Variants in PITPNC1 observed in about 807,000 individuals in gnomAD.
The protein encoded by PITPNC1 is cytoplasmic phosphatidylinositol transfer protein 1.
PITPNC1 carries 18 observed loss-of-function variants against 44.7 expected under a neutral mutation model. That is an observed-to-expected ratio of 0.40 (90% CI 0.28 to 0.60). The LOEUF (loss-of-function observed/expected upper bound fraction) is 0.60. Among genes scored for constraint, PITPNC1 ranks in the 20% least tolerant of loss-of-function variants. The probability of loss-of-function intolerance (pLI) is 0.39; values close to 1 mark genes in which losing one functional copy is unlikely to be tolerated. For synonymous variants in PITPNC1, 141 were observed against 149.6 expected (o/e 0.94, Z 0.42); for missense variants, 290 against 418.4 (o/e 0.69, Z 2.68).
At chr17:67,550,739 G>A (rs1475014669) in intron 2 of PITPNC1, among the ~76,000 whole-genome samples, 1 of 152,144 alleles carries the variant, frequency 6.6e-6, no homozygotes, top group Non-Finnish European at 1.5e-5. Flanking sequence ...TGGAAGGACA[G>A]AAACACTTGG....
chr17:67,690,448 CA>C (rs58085156), intron 8 of PITPNC1, among the ~76,000 whole-genome samples: 101 of 113,348 alleles, frequency 8.9e-4, no homozygotes, highest in Non-Finnish European at 9.5e-4. Context: ...AACTCTGTCT[CA>C]AAAAAAAAAA....
At chr17:67,655,052 T>C (rs1245071093) in intron 6 of PITPNC1, among the ~76,000 whole-genome samples, 4 of 152,196 alleles carry the variant, frequency 2.6e-5, no homozygotes, top group African/African-American at 7.2e-5. Flanking sequence ...TTAAACCATT[T>C]GGGCTGCAAT....
At chr17:67,622,983 G>A (rs1438105185) in intron 5 of PITPNC1, among the ~76,000 whole-genome samples, 2 of 152,016 alleles carry the variant, frequency 1.3e-5, no homozygotes, top group South Asian at 2.1e-4. Flanking sequence ...CCACTTTGCC[G>A]GTGCAGAGCA....
intron 1 of PITPNC1, among the ~76,000 whole-genome samples, chr17:67,433,294 T>G (rs1233070690): frequency 6.6e-6 from 1 of 152,200 alleles, no homozygotes; most frequent in Non-Finnish European, 1.5e-5. Flanking sequence ...CAGAGATTGC[T>G]AAGGTCTTAG....
At chr17:67,690,191 T>C (rs1405047966) in intron 8 of PITPNC1, among the ~76,000 whole-genome samples, 2 of 152,186 alleles carry the variant, frequency 1.3e-5, no homozygotes, top group Non-Finnish European at 2.9e-5. Context: ...CTCATGCCTA[T>C]AATCCCAGCA....
chr17:67,531,140 G>C (rs1230074892), intron 1 of PITPNC1, among the ~76,000 whole-genome samples: 1 of 152,148 alleles, frequency 6.6e-6, no homozygotes, highest in Non-Finnish European at 1.5e-5. Flanking sequence ...CTGCTCAAGA[G>C]GCTGAAGTGG....
intron 5 of PITPNC1, among the ~76,000 whole-genome samples, chr17:67,583,991 G>A (rs762652863): frequency 7.5e-4 from 113 of 151,506 alleles, no homozygotes; most frequent in Non-Finnish European, 8.5e-4. Context: ...CGCCCGCCTC[G>A]GCTTCCCAAA....
intron 4 of PITPNC1, among the ~76,000 whole-genome samples, chr17:67,562,670 A>G (rs73334071): frequency 0.014 from 2,195 of 152,088 alleles, 50 homozygotes; most frequent in African/African-American, 0.05. Flanking sequence ...TAACCCTCAC[A>G]AGGCAGAAGG....
intron 6 of PITPNC1, among the ~76,000 whole-genome samples, chr17:67,633,800 C>T (rs1264758631): frequency 1.3e-5 from 2 of 152,270 alleles, no homozygotes; most frequent in African/African-American, 4.8e-5. Flanking sequence ...CCTCGGGCCC[C>T]CCCGGGCTGC....
intron 1 of PITPNC1, among the ~76,000 whole-genome samples, chr17:67,416,044 G>A (rs1335418049): frequency 6.6e-6 from 1 of 152,076 alleles, no homozygotes; most frequent in Non-Finnish European, 1.5e-5. Flanking sequence ...CCGCCGTTAT[G>A]TATAGATTAA....
chr17:67,430,909 A>T (rs1030572698), intron 1 of PITPNC1, among the ~76,000 whole-genome samples: 2 of 152,058 alleles, frequency 1.3e-5, no homozygotes, highest in Non-Finnish European at 2.9e-5. Flanking sequence ...TGATCACACC[A>T]CTGCACTCCA....
At chr17:67,557,719 C>T (rs911277016) in intron 4 of PITPNC1, among the ~76,000 whole-genome samples, 2 of 152,224 alleles carry the variant, frequency 1.3e-5, no homozygotes, top group African/African-American at 4.8e-5. Flanking sequence ...GGTGGCAGAA[C>T]CCACCCTTGA....
At chr17:67,666,175 T>G (rs1295736385) in intron 6 of PITPNC1, among the ~76,000 whole-genome samples, 1 of 152,172 alleles carries the variant, frequency 6.6e-6, no homozygotes, top group Non-Finnish European at 1.5e-5. Flanking sequence ...GTTTTGTTTT[T>G]AATACAGCTG....
In PITPNC1 at chr17:67,601,888, T is replaced by C. The variant is rs532342115; in HGVS notation, c.366+23631T>C. The stretch of plus-strand genomic sequence containing the variant: ...AAGGAGGGGGAGAAGGGGCAGAGAG[T>C]GACGAGCACACGCAGAAGGTCTCTA... On this transcript the variant is annotated intron_variant, in intron 5 of 8. Transcript: ENST00000581322. Among the ~76,000 whole-genome samples, 5 of 151,616 alleles carry C rather than the reference T, an allele frequency of 3.3e-5. No individual in the cohort carries two copies. The East Asian group carries it at 9.7e-4, about 29-fold the overall frequency.
chr17:67,460,037 A>AGG (rs2039312763), intron 1 of PITPNC1, among the ~76,000 whole-genome samples: 2 of 151,978 alleles, frequency 1.3e-5, no homozygotes. Flanking sequence ...ATCCTTCTCA[A>AGG]TTTGTCCTTT....
rs1259358998 is a variant in PITPNC1, at chr17:67,675,538, G to A, written c.678G>A (p.Trp226Ter). 6.3e-7 allele frequency: 1 copy of A among 1,595,232 alleles called. No individual in the cohort carries two copies. The highest frequency in any genetic ancestry group is 1.7e-5 in the Admixed American group (1 of 59,980). Residue 226 changes from tryptophan to a stop codon, truncating the protein, a stop_gained, in exon 8 of 9, where the codon TGG (tryptophan) becomes TGA (stop). Coordinates refer to ENST00000581322, the MANE Select transcript of PITPNC1 (RefSeq NM_012417.4). LOFTEE classifies it high-confidence loss of function. ...AGGCTTTTGCATGGGTTGATGAGTG[G>A]TATGGTAAGTCAATTTCTCCAAAAT... is the stretch of plus-strand genomic sequence containing the variant. ...HRQAFAWVDEWYDMTMDEVRE... is the reference protein window; with the variant it reads ...HRQAFAWVDE
At chr17:67,477,666 T>G (rs2039649589) in intron 1 of PITPNC1, among the ~76,000 whole-genome samples, 1 of 152,086 alleles carries the variant, frequency 6.6e-6, no homozygotes, top group Non-Finnish European at 1.5e-5. Flanking sequence ...CCCAAAGTAC[T>G]TGGATTACAG....
chr17:67,619,370 G>A (rs1227998577), intron 5 of PITPNC1, among the ~76,000 whole-genome samples: 1 of 152,134 alleles, frequency 6.6e-6, no homozygotes, highest in Non-Finnish European at 1.5e-5. Flanking sequence ...AAAAGAATCA[G>A]GCAAGCCTCC....
chr17:67,424,348 C>G (rs1346888363), intron 1 of PITPNC1, among the ~76,000 whole-genome samples: 1 of 152,028 alleles, frequency 6.6e-6, no homozygotes, highest in Non-Finnish European at 1.5e-5. Flanking sequence ...TGCAAGATTA[C>G]CACTTGACCT....
Sources: allele counts gnomAD v4.1 joint callset (sites outside exome capture counted in the v4.1 genomes callset), GRCh38; gene constraint gnomAD v4.1.1; transcripts MANE v1.5; gene names NCBI Gene and HGNC (gene_info 2026-07-23, HGNC 2026-07-21).